The following COL6A6 variants were observed in gnomAD, a reference collection of about 807,000 sequenced individuals.
The protein encoded by COL6A6 is collagen type VI alpha 6 chain.
A neutral mutation model predicts 208.6 loss-of-function variants in COL6A6; 183 were observed. That is an observed-to-expected ratio of 0.88 (90% CI 0.78 to 0.99). The LOEUF (loss-of-function observed/expected upper bound fraction) is 0.99. Ranked by LOEUF, COL6A6 falls within the 50% of genes least tolerant of loss-of-function variation. The pLI is 0.00. For missense variants in COL6A6, 2,816 were observed against 2,815.2 expected (o/e 1.00, Z -0.01); for synonymous variants, 973 against 1,011.8 (o/e 0.96, Z 0.73).
At chr3:130,533,384 C>T (rs2062152201) in intron 1 of COL6A6, among the ~76,000 whole-genome samples, 1 of 152,082 alleles carries the variant, frequency 6.6e-6, no homozygotes, top group Admixed American at 6.5e-5. Flanking sequence ...TTGGTTTTCA[C>T]AAGATATGAA....
At chr3:130,562,905 T>C (rs1022433787) in intron 2 of COL6A6, among the ~76,000 whole-genome samples, 163 bp from the exon 3 acceptor site, 2 of 152,248 alleles carry the variant, frequency 1.3e-5, no homozygotes, top group South Asian at 4.1e-4. Flanking sequence ...CAGCTATTTC[T>C]TTTTCTTGAG....
At position 130,560,326 on chromosome 3, in the gene COL6A6, C is replaced by G; in HGVS notation, c.-31-8C>G. ...CACAACAATTTGTTTATATTTTTGC[C>G]TTTTCAGATTTGAAGTTGAAGATTT... On this transcript the variant is annotated splice_polypyrimidine_tract_variant and splice_region_variant and intron_variant, in intron 1 of 36. Transcript: ENST00000358511. 1 of 1,549,762 alleles carries G rather than the reference C, an allele frequency of 6.5e-7. No homozygotes were observed. Among genetic ancestry groups the G allele is most frequent in the Non-Finnish European group, 8.8e-7 (1 of 1,132,798 alleles).
chr3:130,591,458 C>T (rs1018977124), intron 13 of COL6A6, among the ~76,000 whole-genome samples: 4 of 152,192 alleles, frequency 2.6e-5, no homozygotes, highest in Non-Finnish European at 5.9e-5. Context: ...TTCATCCTTC[C>T]TTCCTCCCAT....
At chr3:130,643,142 C>A in intron 31 of COL6A6, 119 bp downstream of exon 31, 1 of 1,080,536 alleles carries the variant, frequency 9.3e-7, no homozygotes. Flanking sequence ...GATGTCACTG[C>A]ATGTATTTTT....
intron 1 of COL6A6, among the ~76,000 whole-genome samples, chr3:130,522,323 TATCAGTGAA>T (rs1711121397): frequency 2.0e-5 from 3 of 152,184 alleles, no homozygotes; most frequent in Admixed American, 6.5e-5. Context: ...TGGAGGGAGA[TATCAGTGAA>T]GATTTGGTGT....
At chr3:130,645,236 A>AT (rs2065433178) in intron 32 of COL6A6, among the ~76,000 whole-genome samples, 1 of 152,200 alleles carries the variant, frequency 6.6e-6, no homozygotes, top group Admixed American at 6.5e-5. Context: ...ATAAAAAATC[A>AT]TTAAGATATT....
Position 130,662,162 on chromosome 3 carries a change from C to T in COL6A6, c.6356C>T (p.Ser2119Phe). ...CAGGGATATGCCTTATTTGTGTTTT[C>T]CCTTGGCCCTATTTGGGATGACAAG... is the stretch of plus-strand genomic sequence containing the variant. Reference protein sequence around the residue: ...KCQGYALFVFSLGPIWDDKEL... With the variant: ...KCQGYALFVFFLGPIWDDKEL... The change falls in exon 35 of 37, where the codon TCC (serine) becomes TTC (phenylalanine). Residue 2119 changes from serine to phenylalanine, a missense_variant. Ser to Phe is a radical substitution (Grantham distance 155). Transcript: ENST00000358511. 1 of 1,614,000 alleles carries T rather than the reference C, an allele frequency of 6.2e-7. No homozygotes were observed. Among genetic ancestry groups the T allele is most frequent in the Non-Finnish European group, 8.5e-7 (1 of 1,179,880 alleles).
At chr3:130,593,018 A>C in intron 15 of COL6A6, 43 bp from the exon 16 acceptor site, 1 of 1,557,270 alleles carries the variant, frequency 6.4e-7, no homozygotes, top group Non-Finnish European at 8.8e-7. Flanking sequence ...TTCTTTACAC[A>C]TGCACGTGAT....
At chr3:130,593,360 T>A in intron 17 of COL6A6, 108 bp downstream of exon 17, 1 of 817,930 alleles carries the variant, frequency 1.2e-6, no homozygotes, top group Non-Finnish European at 2.0e-6. Context: ...TTTGTGACAG[T>A]CATAAAACCT....
intron 10 of COL6A6, among the ~76,000 whole-genome samples, chr3:130,583,752 C>T (rs1030563989): frequency 3.9e-5 from 6 of 152,146 alleles, no homozygotes; most frequent in Non-Finnish European, 8.8e-5. Context: ...CTCAAAGGAT[C>T]TCCTGAGTTT....
intron 23 of COL6A6, among the ~76,000 whole-genome samples, chr3:130,619,961 G>A (rs1049026992): frequency 6.6e-6 from 1 of 152,144 alleles, no homozygotes; most frequent in African/African-American, 2.4e-5. Flanking sequence ...TTTAGACAGA[G>A]TCTCACTCTA....
In COL6A6 at chr3:130,568,523, A is replaced by T. The variant is rs1267302211; in HGVS notation, c.2320A>T (p.Met774Leu). 6.2e-7 allele frequency: 1 copy of T among 1,612,478 alleles called. No homozygotes were observed. Among genetic ancestry groups the T allele is most frequent in the Non-Finnish European group, 8.5e-7 (1 of 1,179,880 alleles). ...QLEEISGRPE[M>L]VFYVENFDIL... ...TGAGGAGATCAGTGGGAGGCCCGAG[A>T]TGGTTTTTTATGTTGAGAATTTTGA... Residue 774 changes from methionine (M) to leucine (L), a missense_variant, in exon 6 of 37, where the codon ATG becomes TTG. Coordinates refer to ENST00000358511, the MANE Select transcript of COL6A6 (RefSeq NM_001102608.3).
At chr3:130,675,166 C>T (rs1357022990) in intron 36 of COL6A6, 36 bp from the exon 37 acceptor site, 1 of 1,325,282 alleles carries the variant, frequency 7.5e-7, no homozygotes, top group Non-Finnish European at 1.0e-6. Context: ...GTTGAAATGG[C>T]ATTTATCTTC....
At chr3:130,637,875 A>G (rs1266428788) in intron 28 of COL6A6, among the ~76,000 whole-genome samples, 1 of 152,072 alleles carries the variant, frequency 6.6e-6, no homozygotes, top group Non-Finnish European at 1.5e-5. Flanking sequence ...GGGTTTCTCC[A>G]TATCAGCACT....
At chr3:130,638,229 T>C (rs55870526) in intron 28 of COL6A6, among the ~76,000 whole-genome samples, 17,283 of 152,176 alleles carry the variant, frequency 0.11, 1,158 homozygotes, top group Admixed American at 0.2. Flanking sequence ...TGTTTCAGAA[T>C]TGACAATATG....
At chr3:130,613,855 A>G (rs1215538844) in intron 23 of COL6A6, among the ~76,000 whole-genome samples, 1 of 152,122 alleles carries the variant, frequency 6.6e-6, no homozygotes, top group Non-Finnish European at 1.5e-5. Context: ...TGATTTTTGT[A>G]TTTCAATTTT....
chr3:130,616,997 A>G (rs893301380), intron 23 of COL6A6, among the ~76,000 whole-genome samples: 2 of 152,144 alleles, frequency 1.3e-5, no homozygotes, highest in African/African-American at 2.4e-5. Flanking sequence ...TGTTATTGCT[A>G]CTATATTGTA....
chr3:130,613,577 GCATT>G (rs1332208990), intron 23 of COL6A6, among the ~76,000 whole-genome samples: 3 of 152,144 alleles, frequency 2.0e-5, no homozygotes, highest in African/African-American at 7.2e-5. Context: ...GATGGAAATA[GCATT>G]CAATCTGTAA....
chr3:130,565,733 TCTTTTA>T (rs1470171954), intron 4 of COL6A6, 119 bp downstream of exon 4: 6 of 1,215,846 alleles, frequency 4.9e-6, no homozygotes, highest in Non-Finnish European at 6.7e-6. Flanking sequence ...AGTTCCTAAT[TCTTTTA>T]CTTGAGCTTG....
Sources: gnomAD v4.1 joint callset for allele counts (sites outside exome capture counted in the v4.1 genomes callset) on GRCh38, gnomAD v4.1.1 for gene constraint, MANE v1.5 for transcripts, NCBI Gene and HGNC (gene_info 2026-07-23, HGNC 2026-07-21) for gene names.